The following GREM2 variants were observed in gnomAD, a reference collection of about 807,000 sequenced individuals.
GREM2 encodes gremlin-2.
A neutral mutation model predicts 14.2 loss-of-function variants in GREM2; 11 were observed. The observed-to-expected ratio is 0.78, with a 90% confidence interval of 0.49 to 1.28. The LOEUF is 1.28. GREM2 is among the 50% of genes most tolerant of loss of function. The pLI is 0.00. For synonymous variants in GREM2, 98 were observed against 97.6 expected (o/e 1.00, Z -0.02); for missense variants, 210 against 218.5 (o/e 0.96, Z 0.24).
intron 1 of GREM2, among the ~76,000 whole-genome samples, chr1:240,508,289 A>T (rs1207860300): frequency 6.6e-6 from 1 of 152,210 alleles, no homozygotes; most frequent in Non-Finnish European, 1.5e-5. Flanking sequence ...GAAACTGTAG[A>T]TGTTGTATTT....
intron 1 of GREM2, among the ~76,000 whole-genome samples, chr1:240,559,872 G>A (rs1026806738): frequency 2.0e-5 from 3 of 152,190 alleles, no homozygotes; most frequent in African/African-American, 7.2e-5. Context: ...GTGAAACATG[G>A]TGTTCAGTGG....
intron 1 of GREM2, among the ~76,000 whole-genome samples, chr1:240,496,671 G>GTT (rs1350572055): frequency 1.3e-5 from 2 of 152,316 alleles, no homozygotes; most frequent in South Asian, 2.1e-4. Flanking sequence ...TCATTGCCAT[G>GTT]TCTCCTGCTC....
At chr1:240,546,458 G>A (rs1415782426) in intron 1 of GREM2, among the ~76,000 whole-genome samples, 1 of 152,128 alleles carries the variant, frequency 6.6e-6, no homozygotes, top group African/African-American at 2.4e-5. Flanking sequence ...CAGCACTAGA[G>A]GATGGGAACA....
At chr1:240,501,650 TGCTTCTCTCTAG>T (rs1212599610) in intron 1 of GREM2, among the ~76,000 whole-genome samples, 1 of 149,598 alleles carries the variant, frequency 6.7e-6, no homozygotes, top group Non-Finnish European at 1.5e-5. Flanking sequence ...ACAAGTGGGC[TGCTTCTCTCTAG>T]GGTACATCCA....
At chr1:240,578,746 T>C (rs919160646) in intron 1 of GREM2, among the ~76,000 whole-genome samples, 2 of 151,612 alleles carry the variant, frequency 1.3e-5, no homozygotes, top group African/African-American at 4.9e-5. Flanking sequence ...ATCACGCCAC[T>C]GTACTCCAGC....
intron 1 of GREM2, among the ~76,000 whole-genome samples, chr1:240,571,708 AAAAG>A: frequency 6.6e-6 from 1 of 152,198 alleles, no homozygotes; most frequent in African/African-American, 2.4e-5. Flanking sequence ...CAAAAAAAGA[AAAAG>A]AAAAAGAAAA....
chr1:240,562,214 T>C (rs1411756279), intron 1 of GREM2, among the ~76,000 whole-genome samples: 1 of 152,186 alleles, frequency 6.6e-6, no homozygotes, highest in Non-Finnish European at 1.5e-5. Context: ...GCCTGCTTGT[T>C]GCTGACTCAG....
Position 240,492,892 on chromosome 1 carries a change from A to T in GREM2, c.*77T>A. ...CCAGGCAGCGTGACAGTGGGCTCGGAGGGCAGGGACAGAGGCGGCGGCGGC... is the reference window on the plus strand; with the variant it reads ...CCAGGCAGCGTGACAGTGGGCTCGGTGGGCAGGGACAGAGGCGGCGGCGGC... On this transcript the variant is annotated 3_prime_UTR_variant, in exon 2 of 2. Coordinates refer to ENST00000318160, the MANE Select transcript of GREM2 (RefSeq NM_022469.4). 3 of 1,289,502 alleles carry T rather than the reference A, an allele frequency of 2.3e-6. No individual in the cohort carries two copies. The highest frequency in any genetic ancestry group is 3.0e-6 in the Non-Finnish European group (3 of 1,012,006). The allele number at this position is 1,289,502 out of a possible 1,614,324, so 79.9% of individuals were successfully genotyped here.
chr1:240,519,414 A>G (rs558394833), intron 1 of GREM2, among the ~76,000 whole-genome samples: 1 of 151,908 alleles, frequency 6.6e-6, no homozygotes, highest in African/African-American at 2.4e-5. Context: ...TATCCTGGTA[A>G]CAGGACTTAG....
At chr1:240,535,798 C>A (rs1171957011) in intron 1 of GREM2, among the ~76,000 whole-genome samples, 615 of 129,828 alleles carry the variant, frequency 4.7e-3, no homozygotes, top group African/African-American at 5.3e-3. Context: ...GACTCCATCG[C>A]AAAAAAAAAA....
chr1:240,598,772 C>A (rs1679865887), intron 1 of GREM2, among the ~76,000 whole-genome samples: 1 of 152,140 alleles, frequency 6.6e-6, no homozygotes, highest in South Asian at 2.1e-4. Flanking sequence ...TTGATCTATG[C>A]CCTGCACTGT....
intron 1 of GREM2, among the ~76,000 whole-genome samples, chr1:240,589,793 G>A (rs1371445613): frequency 2.0e-5 from 3 of 152,194 alleles, no homozygotes; most frequent in Non-Finnish European, 4.4e-5. Flanking sequence ...TAAGAGAAGT[G>A]CAAAGTCCTT....
rs777825846 is a variant in GREM2 at position 240,492,930 on chromosome 1, C to G, written c.*39G>C. On this transcript the variant is annotated 3_prime_UTR_variant, in exon 2 of 2. Transcript: ENST00000318160. The stretch of plus-strand genomic sequence containing the variant: ...AGGCGGCGGCGGCGCCACCCAGCGG[C>G]CGGGCGCGCGCGGGGCTGAGCTGCG... The G allele has an allele frequency of 2.2e-6, 3 of 1,390,878 alleles. No individual in the cohort carries two copies. Among genetic ancestry groups the G allele is most frequent in the Middle Eastern group, 2.4e-4 (1 of 4,186 alleles). 86.2% of individuals were successfully genotyped at this position (1,390,878 alleles called of 1,614,324 possible).
intron 1 of GREM2, among the ~76,000 whole-genome samples, chr1:240,499,935 A>T (rs2103276167): frequency 6.6e-6 from 1 of 152,298 alleles, no homozygotes; most frequent in Admixed American, 6.5e-5. Context: ...ACACTTTGCT[A>T]AGTCCTGCTC....
intron 1 of GREM2, among the ~76,000 whole-genome samples, chr1:240,505,321 G>T (rs9428480): frequency 6.6e-6 from 1 of 151,768 alleles, no homozygotes; most frequent in African/African-American, 2.4e-5. Context: ...CTTTATAGCC[G>T]ACTAATACAG....
At chr1:240,509,802 G>A (rs1473901277) in intron 1 of GREM2, among the ~76,000 whole-genome samples, 1 of 152,138 alleles carries the variant, frequency 6.6e-6, no homozygotes, top group Non-Finnish European at 1.5e-5. Flanking sequence ...ATCTGTTATG[G>A]TAGAAGGGGC....
chr1:240,563,298 T>C (rs1572400763), intron 1 of GREM2, among the ~76,000 whole-genome samples: 2 of 152,128 alleles, frequency 1.3e-5, no homozygotes. Flanking sequence ...CGCGCTGCAG[T>C]GTTCTAAAAA....
At chr1:240,585,969 C>T (rs184077763) in intron 1 of GREM2, among the ~76,000 whole-genome samples, 1 of 151,326 alleles carries the variant, frequency 6.6e-6, no homozygotes, top group Admixed American at 6.6e-5. Flanking sequence ...CCCACTTGGG[C>T]CCTCAAAATA....
rs188632491 is a variant in GREM2, at chr1:240,607,340, T to A, written c.-2+4544A>T. 3.9e-5 allele frequency among the ~76,000 whole-genome samples: 6 copies of A among 152,176 alleles called. No homozygotes were observed. The East Asian group carries it at 1.2e-3, about 29-fold the overall frequency. On this transcript the variant is annotated intron_variant, in intron 1 of 1. Coordinates refer to ENST00000318160, the MANE Select transcript of GREM2 (RefSeq NM_022469.4). ...TTCTTAGGTTAAATTTTTTTTTTCA[T>A]AATTACTAGATAACTCTCTTCTAGG...
Sources: gnomAD v4.1 joint callset for allele counts (sites outside exome capture counted in the v4.1 genomes callset) on GRCh38, gnomAD v4.1.1 for gene constraint, MANE v1.5 for transcripts, NCBI Gene and HGNC (gene_info 2026-07-23, HGNC 2026-07-21) for gene names.